PRH1: variants seen among roughly 807,000 people sequenced by gnomAD.
PRH1 encodes salivary acidic proline-rich phosphoprotein 1/2.
In PRH1, 7 loss-of-function variants were observed where a neutral mutation model predicts 7.9. The observed-to-expected ratio is 0.89, with a 90% CI of 0.50 to 1.67. The LOEUF (loss-of-function observed/expected upper bound fraction) is 1.67. Ranked by LOEUF, PRH1 falls within the 40% of genes most tolerant of loss-of-function variation. The pLI, the probability that PRH1 is intolerant of heterozygous loss-of-function variation, is 0.00. For synonymous variants in PRH1, 45 were observed against 80.8 expected (o/e 0.56, Z 2.38); for missense variants, 109 against 223.6 (o/e 0.49, Z 3.27).
At chr12:11,169,823 A>G (rs1409749695) in intron 1 of PRH1, among the ~76,000 whole-genome samples, 16 of 152,202 alleles carry the variant, frequency 1.1e-4, no homozygotes, top group Admixed American at 2.6e-4. Context: ...TCTAAGTGCT[A>G]CCTCGCTGGA....
intron 1 of PRH1, among the ~76,000 whole-genome samples, chr12:11,066,290 T>A (rs1230225764): frequency 6.6e-6 from 1 of 152,186 alleles, no homozygotes; most frequent in African/African-American, 2.4e-5. Context: ...TCTGTTTGAC[T>A]ATTTGGTCCT....
intron 1 of PRH1, chr12:11,030,930 G>A (rs1351603802): frequency 6.2e-7 from 1 of 1,614,196 alleles, no homozygotes; most frequent in Admixed American, 1.7e-5. Flanking sequence ...AATAGTAAAG[G>A]CCCCAACAGC....
chr12:10,955,299 A>G (rs117351874), intron 2 of PRH1, among the ~76,000 whole-genome samples: 3,021 of 152,310 alleles, frequency 0.02, 35 homozygotes, highest in South Asian at 0.031. Flanking sequence ...CCATATAATT[A>G]CATAGAAATT....
At chr12:11,164,659 A>G (rs1382263115) in intron 1 of PRH1, among the ~76,000 whole-genome samples, 1 of 152,128 alleles carries the variant, frequency 6.6e-6, no homozygotes, top group Non-Finnish European at 1.5e-5. Flanking sequence ...ATGTTTGTAT[A>G]GTGTCTAACT....
chr12:11,103,240 A>G (rs902209658), intron 1 of PRH1, among the ~76,000 whole-genome samples: 2 of 46,806 alleles, frequency 4.3e-5, no homozygotes, highest in Non-Finnish European at 6.5e-5. Context: ...ACACATGCAC[A>G]TATGTTTATT....
chr12:11,033,606 T>C (rs959132043), intron 1 of PRH1, among the ~76,000 whole-genome samples: 13 of 152,120 alleles, frequency 8.5e-5, no homozygotes, highest in African/African-American at 3.1e-4. Flanking sequence ...AGGTCGATAA[T>C]TAAGGCTAGA....
chr12:10,991,733 C>A (rs1939946830), intron 1 of PRH1, among the ~76,000 whole-genome samples: 1 of 152,046 alleles, frequency 6.6e-6, no homozygotes, highest in Admixed American at 6.6e-5. Flanking sequence ...AGACCTTGGG[C>A]AATCTGATAT....
At chr12:11,071,453 G>A (rs1417681264) in intron 1 of PRH1, among the ~76,000 whole-genome samples, 1 of 152,202 alleles carries the variant, frequency 6.6e-6, no homozygotes, top group African/African-American at 2.4e-5. Flanking sequence ...GCTGAAGGCA[G>A]CCAGTCTCTT....
In PRH1 at chr12:10,928,155, A is replaced by C. The variant is rs1950149564; in HGVS notation, c.-58-43880T>G. Among the ~76,000 whole-genome samples, 3 of 152,192 alleles carry C rather than the reference A, an allele frequency of 2.0e-5. No homozygotes were observed. In the South Asian group the frequency reaches 6.2e-4, roughly 32 times the overall value. ...TCAGCATATAAAATATCAACAAATGAATGTAAGAAAGAGAATGAGAAAGAA... is the reference window on the plus strand; with the variant it reads ...TCAGCATATAAAATATCAACAAATGCATGTAAGAAAGAGAATGAGAAAGAA... On this transcript the variant is annotated intron_variant, in intron 2 of 3. Transcript: ENST00000539853.
At chr12:10,975,860 G>A (rs1939070451) in intron 1 of PRH1, among the ~76,000 whole-genome samples, 1 of 151,904 alleles carries the variant, frequency 6.6e-6, no homozygotes, top group African/African-American at 2.4e-5. Flanking sequence ...CTCAATTCAC[G>A]AGAAGACCTA....
At chr12:11,046,745 T>C (rs1942914152) in intron 1 of PRH1, among the ~76,000 whole-genome samples, 2 of 152,196 alleles carry the variant, frequency 1.3e-5, no homozygotes, top group African/African-American at 2.4e-5. Flanking sequence ...TGATCTTTAG[T>C]GTAAGAAAAA....
intron 2 of PRH1, among the ~76,000 whole-genome samples, chr12:10,960,848 T>C (rs1038999197): frequency 1.3e-5 from 2 of 152,168 alleles, no homozygotes; most frequent in Admixed American, 1.3e-4. Flanking sequence ...GGTCCTTGTG[T>C]CAAAACATCC....
intron 1 of PRH1, among the ~76,000 whole-genome samples, chr12:11,027,425 T>C (rs562832743): frequency 1.3e-4 from 19 of 151,890 alleles, no homozygotes; most frequent in Admixed American, 2.6e-4. Context: ...GCATAGGTGA[T>C]GTTTTAAAGC....
chr12:11,153,125 A>G (rs7959320), intron 1 of PRH1, among the ~76,000 whole-genome samples: 69,156 of 151,996 alleles, frequency 0.45, 16,537 homozygotes, highest in Non-Finnish European at 0.52. Context: ...CCTATAGAAG[A>G]CAAGACATTG....
chr12:11,057,760 T>A lies in PRH1; in HGVS notation n.124-10572A>T, dbSNP rs1943425317. Among the ~76,000 whole-genome samples, 3 of 152,216 alleles carry A rather than the reference T, an allele frequency of 2.0e-5. No individual in the cohort carries two copies. In the South Asian group the frequency reaches 6.2e-4, roughly 32 times the overall value. On this transcript the variant is annotated intron_variant and non_coding_transcript_variant, in intron 1 of 4. Transcript: ENST00000541977. ...TGTCTTCACAGAGCAGAGCATAGCT[T>A]CTGGCACTTTTTACGGGGCTCGTCA...
At chr12:11,060,844 A>G (rs1943566510) in intron 1 of PRH1, among the ~76,000 whole-genome samples, 1 of 152,266 alleles carries the variant, frequency 6.6e-6, no homozygotes, top group Admixed American at 6.5e-5. Flanking sequence ...AACCTCAAAG[A>G]CACATCCTTA....
rs545945850 is a variant in PRH1, at chr12:11,097,099, A to C, written n.124-49911T>G. 2 of 152,022 alleles carry C rather than the reference A, an allele frequency of 1.3e-5. 1 individual carries two copies. Among genetic ancestry groups the C allele is most frequent in the South Asian group, 1.2e-4 (2 of 16,570 alleles). 9.4% of individuals were successfully genotyped at this position (152,022 alleles called of 1,614,324 possible). ...AGGCGTGAGCCACCGCGCCTGCCCT[A>C]TGCTGTTTTAATTAGCAAAAATCAA... On this transcript the variant is annotated intron_variant and non_coding_transcript_variant, in intron 1 of 4. Coordinates refer to the PRH1 transcript ENST00000541977.
chr12:10,918,757 CAT>C (rs1221003500), intron 2 of PRH1, among the ~76,000 whole-genome samples: 4 of 152,138 alleles, frequency 2.6e-5, no homozygotes, highest in Non-Finnish European at 5.9e-5. Flanking sequence ...TTCATTTTAC[CAT>C]AGTACTATAC....
At position 11,161,672 on chromosome 12, in the gene PRH1, G is replaced by T. The variant is rs369837209; in HGVS notation, n.39+9750C>A. ...TTCAGAAATCTAAGGTTTCAGAGGG[G>T]TATAAAATCTCACCGGTTTGGGGTA... is the stretch of plus-strand genomic sequence containing the variant. On this transcript the variant is annotated intron_variant and non_coding_transcript_variant, in intron 1 of 1. Transcript: ENST00000541175. Among the ~76,000 whole-genome samples, 10 of 152,188 alleles carry T rather than the reference G, an allele frequency of 6.6e-5. No homozygotes were observed. In the East Asian group the frequency reaches 1.5e-3, roughly 24 times the overall value.
Sources: gnomAD v4.1 joint callset for allele counts (sites outside exome capture counted in the v4.1 genomes callset) on GRCh38, gnomAD v4.1.1 for gene constraint, MANE v1.5 for transcripts, NCBI Gene and HGNC (gene_info 2026-07-23, HGNC 2026-07-21) for gene names.